Variants in VEGFC observed in about 807,000 individuals in gnomAD.
The protein encoded by VEGFC is vascular endothelial growth factor C, also known as FLT4 ligand DHM.
Under a neutral mutation model 46.1 loss-of-function variants are expected in VEGFC, and 12 were observed. The observed-to-expected ratio is 0.26, with a 90% CI of 0.17 to 0.42. The LOEUF (loss-of-function observed/expected upper bound fraction) is 0.42. VEGFC is among the 10% of genes least tolerant of loss of function. The pLI is 1.00. For synonymous variants in VEGFC, 232 were observed against 195.5 expected (o/e 1.19, Z -1.56); for missense variants, 488 against 529.4 (o/e 0.92, Z 0.77).
At chr4:176,753,998 G>C (rs763609675) in intron 1 of VEGFC, among the ~76,000 whole-genome samples, 2 of 152,084 alleles carry the variant, frequency 1.3e-5, no homozygotes, top group Non-Finnish European at 2.9e-5. Flanking sequence ...ATGAACTCAT[G>C]AGGGAAGTCA....
chr4:176,792,802 G>T lies in VEGFC; in HGVS notation c.-491C>A. 1 of 146,704 alleles carries T rather than the reference G, an allele frequency of 6.8e-6. No homozygotes were observed. Among genetic ancestry groups the T allele is most frequent in the South Asian group, 1.8e-4 (1 of 5,576 alleles). 9.1% of individuals were successfully genotyped at this position (146,704 alleles called of 1,614,324 possible). On this transcript the variant is annotated 5_prime_UTR_variant, in exon 1 of 7. Coordinates refer to ENST00000618562, the MANE Select transcript of VEGFC (RefSeq NM_005429.5). This position sits in a 1 kb window ranked among gnomAD's most constrained non-coding sequence, Gnocchi z 6.3. ...GGGCGCTGGCGGCGGTGCCGGGGGC[G>T]GGAGGAGGGCGGCGGGGCGGCTGGC...
At chr4:176,737,613 C>A (rs1043589246) in intron 1 of VEGFC, among the ~76,000 whole-genome samples, 1 of 151,196 alleles carries the variant, frequency 6.6e-6, no homozygotes, top group Non-Finnish European at 1.5e-5. Context: ...AGATTCTGAA[C>A]AGAATAATCA....
At chr4:176,711,256 T>C (rs563283753) in intron 4 of VEGFC, among the ~76,000 whole-genome samples, 15 of 152,352 alleles carry the variant, frequency 9.8e-5, no homozygotes, top group African/African-American at 3.6e-4. Flanking sequence ...GAATGTGTTT[T>C]ATTTCACAGA....
chr4:176,705,041 C>A (rs1463234374), intron 4 of VEGFC, among the ~76,000 whole-genome samples: 1 of 152,132 alleles, frequency 6.6e-6, no homozygotes, highest in East Asian at 1.9e-4. Flanking sequence ...TGAAGTACAG[C>A]ATAGTGTTTT....
intron 1 of VEGFC, among the ~76,000 whole-genome samples, chr4:176,750,805 G>GTT (rs149628049): frequency 6.6e-5 from 10 of 151,606 alleles, no homozygotes; most frequent in African/African-American, 2.4e-4. Context: ...CAGAACCAAT[G>GTT]TTTTTTTACC....
intron 1 of VEGFC, among the ~76,000 whole-genome samples, chr4:176,771,387 C>T (rs1385999747): frequency 6.6e-6 from 1 of 152,108 alleles, no homozygotes; most frequent in Non-Finnish European, 1.5e-5. Flanking sequence ...TCAAATCCCT[C>T]TTAAGTTTGA....
chr4:176,720,017 C>A (rs1734757579), intron 3 of VEGFC, among the ~76,000 whole-genome samples: 1 of 151,882 alleles, frequency 6.6e-6, no homozygotes, highest in Non-Finnish European at 1.5e-5. Context: ...CAAGATCACA[C>A]CATTGCACTC....
intron 4 of VEGFC, among the ~76,000 whole-genome samples, chr4:176,694,453 A>T (rs201374363): frequency 0.06 from 9,114 of 151,856 alleles, 504 homozygotes; most frequent in African/African-American, 0.12. Flanking sequence ...ATATGCACCC[A>T]ATACAGGAGC....
chr4:176,755,713 C>T (rs1715272078), intron 1 of VEGFC, among the ~76,000 whole-genome samples: 1 of 152,072 alleles, frequency 6.6e-6, no homozygotes, highest in South Asian at 2.1e-4. Flanking sequence ...ATCCATAATC[C>T]TACTGATACA....
At chr4:176,700,177 G>C (rs1035150321) in intron 4 of VEGFC, among the ~76,000 whole-genome samples, 11 of 152,214 alleles carry the variant, frequency 7.2e-5, no homozygotes, top group Admixed American at 6.5e-4. Context: ...AGCATTTTGG[G>C]AGGTCGAGAT....
At chr4:176,791,693 C>G (rs1317028606) in intron 1 of VEGFC, among the ~76,000 whole-genome samples, 1 of 152,050 alleles carries the variant, frequency 6.6e-6, no homozygotes, top group Non-Finnish European at 1.5e-5. Context: ...TTTCTAAAGT[C>G]GCTCACAGCG....
At chr4:176,714,247 T>C (rs1483219695) in intron 3 of VEGFC, among the ~76,000 whole-genome samples, 2 of 152,104 alleles carry the variant, frequency 1.3e-5, no homozygotes, top group Non-Finnish European at 2.9e-5. Flanking sequence ...AGAAGTGAGA[T>C]TTTCCTGTTA....
intron 1 of VEGFC, among the ~76,000 whole-genome samples, chr4:176,780,396 A>AAAAAAAAAAAAAC (rs1735895688): frequency 6.6e-6 from 1 of 150,924 alleles, no homozygotes; most frequent in African/African-American, 2.4e-5. Context: ...AAAAAAAAAA[A>AAAAAAAAAAAAAC]AAACTCCTTC....
chr4:176,753,744 A>G (rs1346275168), intron 1 of VEGFC, among the ~76,000 whole-genome samples: 1 of 151,818 alleles, frequency 6.6e-6, no homozygotes. Context: ...TTTACTCTCA[A>G]TTAATAGTCA....
Position 176,691,296 on chromosome 4 carries a change from A to C in VEGFC, c.705-3369T>G, listed in dbSNP as rs577342934. On this transcript the variant is annotated intron_variant, in intron 4 of 6. Transcript: ENST00000618562. ...GTTCTGAATATTAAAGTATGCATAA[A>C]TACTTTAAAGGTTTATAATTATGTT... 1.1e-4 allele frequency among the ~76,000 whole-genome samples: 16 copies of C among 152,348 alleles called. No homozygotes were observed. The South Asian group carries it at 1.4e-3, about 14-fold the overall frequency.
chr4:176,711,880 T>C (rs910321251), intron 3 of VEGFC, among the ~76,000 whole-genome samples: 1 of 152,192 alleles, frequency 6.6e-6, no homozygotes, highest in Non-Finnish European at 1.5e-5. Flanking sequence ...TCACTAGTTA[T>C]GAAGCATATT....
chr4:176,693,091 C>G (rs1352666539), intron 4 of VEGFC, among the ~76,000 whole-genome samples: 1 of 152,094 alleles, frequency 6.6e-6, no homozygotes, highest in African/African-American at 2.4e-5. Flanking sequence ...CAAAGAAACA[C>G]AGTTCCTTAC....
intron 3 of VEGFC, among the ~76,000 whole-genome samples, chr4:176,719,562 T>A (rs1452206661): frequency 6.6e-6 from 1 of 152,234 alleles, no homozygotes; most frequent in Non-Finnish European, 1.5e-5. Context: ...TGCACTTCCA[T>A]AAGCCTTTGT....
At chr4:176,692,426 CA>C (rs1328783467) in intron 4 of VEGFC, among the ~76,000 whole-genome samples, 1 of 116,732 alleles carries the variant, frequency 8.6e-6, no homozygotes, top group East Asian at 2.2e-4. Context: ...AAAAAAAAAA[CA>C]AAAAACGGCA....
Sources: allele counts gnomAD v4.1 joint callset (sites outside exome capture counted in the v4.1 genomes callset), GRCh38; gene constraint gnomAD v4.1.1; non-coding constraint Gnocchi (gnomAD v3.1); transcripts MANE v1.5; gene names NCBI Gene and HGNC (gene_info 2026-07-23, HGNC 2026-07-21).